The following LRP6 variants were observed in gnomAD, a reference collection of about 807,000 sequenced individuals.
LRP6 encodes low-density lipoprotein receptor-related protein 6.
Under a neutral mutation model 184.1 loss-of-function variants are expected in LRP6, and 43 were observed. The observed-to-expected ratio is 0.23, with a 90% CI of 0.18 to 0.30. The LOEUF (loss-of-function observed/expected upper bound fraction) is 0.30. LRP6 is among the 10% of genes least tolerant of loss of function. The pLI, the probability that LRP6 is intolerant of heterozygous loss-of-function variation, is 1.00. For missense variants in LRP6, 1,571 were observed against 2,005.3 expected, an observed-to-expected ratio of 0.78 and a Z score of 4.14; for synonymous variants, 719 against 684.9, an observed-to-expected ratio of 1.05 and a Z score of -0.78.
intron 12 of LRP6, chr12:12,155,802 A>G (rs1950143696): frequency 1.4e-6 from 1 of 714,136 alleles, no homozygotes. Context: ...AGACTTCTGG[A>G]CTGTTAAAAA....
At chr12:12,246,390 C>T (rs1256466499) in intron 1 of LRP6, among the ~76,000 whole-genome samples, 1 of 151,666 alleles carries the variant, frequency 6.6e-6, no homozygotes, top group Non-Finnish European at 1.5e-5. Flanking sequence ...CATCTAGAGG[C>T]TGGAATGCAG....
chr12:12,214,059 A>G (rs923000663), intron 2 of LRP6, among the ~76,000 whole-genome samples: 6 of 151,960 alleles, frequency 3.9e-5, no homozygotes, highest in Non-Finnish European at 5.9e-5. Flanking sequence ...GACTTTTACC[A>G]TTACCCACCC....
chr12:12,259,448 A>G (rs1565729633), intron 1 of LRP6, among the ~76,000 whole-genome samples: 1 of 152,148 alleles, frequency 6.6e-6, no homozygotes, highest in East Asian at 1.9e-4. Flanking sequence ...GCACTTATAC[A>G]AGGTCCTTCC....
At chr12:12,190,129 T>C (rs1004742058) in intron 3 of LRP6, among the ~76,000 whole-genome samples, 21 of 152,228 alleles carry the variant, frequency 1.4e-4, no homozygotes, top group Admixed American at 9.8e-4. Flanking sequence ...AACACTATCA[T>C]GCAAGGGTGA....
chr12:12,266,611 C>A (rs892121457), intron 1 of LRP6, 70 bp downstream of exon 1: 1 of 1,299,906 alleles, frequency 7.7e-7, no homozygotes, highest in Non-Finnish European at 1.1e-6. Flanking sequence ...CTCCCCTCCC[C>A]CTAGACACAT....
intron 16 of LRP6, among the ~76,000 whole-genome samples, chr12:12,135,673 T>C (rs1439613249): frequency 6.6e-6 from 1 of 151,670 alleles, no homozygotes; most frequent in Non-Finnish European, 1.5e-5. Context: ...TTTCCGTTTT[T>C]AGTAAAGATG....
chr12:12,253,752 TA>T (rs999074497), intron 1 of LRP6, among the ~76,000 whole-genome samples: 29 of 152,138 alleles, frequency 1.9e-4, no homozygotes, highest in African/African-American at 7.0e-4. Flanking sequence ...CCGTTTTAAG[TA>T]TTTTGTCATC....
intron 1 of LRP6, among the ~76,000 whole-genome samples, chr12:12,260,196 G>A (rs1225145900): frequency 1.4e-4 from 22 of 152,046 alleles, no homozygotes; most frequent in Admixed American, 1.4e-3. Flanking sequence ...GGCTAACATG[G>A]TGAAACCCCG....
intron 2 of LRP6, among the ~76,000 whole-genome samples, chr12:12,234,243 C>T (rs1864871963): frequency 1.3e-5 from 2 of 151,080 alleles, no homozygotes; most frequent in African/African-American, 4.9e-5. Flanking sequence ...GCCAAGATCG[C>T]ACCATTACAC....
Position 12,165,159 on chromosome 12 carries a change from C to T in LRP6, c.1682G>A (p.Arg561Gln), listed in dbSNP as rs1052950727. 4 of 1,614,006 alleles carry T rather than the reference C, an allele frequency of 2.5e-6. No homozygotes were observed. Among genetic ancestry groups the T allele is most frequent in the Non-Finnish European group, 2.5e-6 (3 of 1,179,970 alleles). The change falls in exon 8 of 23, where the codon CGA (arginine) becomes CAA (glutamine). Residue 561 changes from arginine (R) to glutamine (Q), a missense_variant. This residue lies in a region of LRP6 where 640 missense variants were observed against 851.9 expected (regional missense o/e 0.75). Transcript: ENST00000261349. ...QRRSIERVHK[R>Q]SAEREVIIDQ... ...TATGATCACTTCCCTCTCTGCACTTCGTTTATGAACTCTTTCAATGCTACG... is the reference window on the plus strand; with the variant it reads ...TATGATCACTTCCCTCTCTGCACTTTGTTTATGAACTCTTTCAATGCTACG...
chr12:12,155,440 A>C (rs1218047980), intron 12 of LRP6: 5 of 951,842 alleles, frequency 5.3e-6, no homozygotes, highest in Non-Finnish European at 8.5e-6. Flanking sequence ...ACCACTGCAA[A>C]ACTGGAAGGG....
intron 2 of LRP6, among the ~76,000 whole-genome samples, chr12:12,205,120 G>A (rs1056485202): frequency 4.0e-5 from 6 of 151,632 alleles, no homozygotes. Context: ...CTTCAGGTCA[G>A]GAGTTCAAGA....
At chr12:12,251,422 G>C (rs974141896) in intron 1 of LRP6, among the ~76,000 whole-genome samples, 1 of 151,986 alleles carries the variant, frequency 6.6e-6, no homozygotes, top group Non-Finnish European at 1.5e-5. Flanking sequence ...GGAGAGCAGT[G>C]GTGGGATCTC....
chr12:12,202,094 CTT>C (rs1863925960), intron 3 of LRP6, among the ~76,000 whole-genome samples: 1 of 152,186 alleles, frequency 6.6e-6, no homozygotes, highest in Middle Eastern at 3.2e-3. Context: ...TATAAAATGT[CTT>C]TAAAAATCTG....
intron 19 of LRP6, among the ~76,000 whole-genome samples, chr12:12,129,953 T>C (rs1949725267): frequency 6.6e-6 from 1 of 152,208 alleles, no homozygotes; most frequent in African/African-American, 2.4e-5. Context: ...GCCACCTGTG[T>C]AGATTTCTAT....
intron 7 of LRP6, 53 bp from the exon 8 acceptor site, chr12:12,165,348 G>A: frequency 7.6e-7 from 1 of 1,307,876 alleles, no homozygotes; most frequent in Non-Finnish European, 1.1e-6. Context: ...TTATTCTTCA[G>A]CTAAAAATAA....
At chr12:12,225,791 G>C (rs1864607000) in intron 2 of LRP6, among the ~76,000 whole-genome samples, 1 of 151,474 alleles carries the variant, frequency 6.6e-6, no homozygotes, top group South Asian at 2.1e-4. Context: ...AGAATCGCTT[G>C]AACCCGGGAG....
chr12:12,205,354 AAAG>A (rs1864030250), intron 2 of LRP6, among the ~76,000 whole-genome samples: 5 of 136,510 alleles, frequency 3.7e-5, no homozygotes, highest in African/African-American at 1.1e-4. Context: ...AAAAAAAAAA[AAAG>A]AGGTAATGAG....
intron 2 of LRP6, among the ~76,000 whole-genome samples, chr12:12,231,526 G>C (rs1864788554): frequency 6.6e-6 from 1 of 152,020 alleles, no homozygotes; most frequent in South Asian, 2.1e-4. Context: ...ACATAGTACA[G>C]AAACTCCCAA....
Sources: allele counts gnomAD v4.1 joint callset (sites outside exome capture counted in the v4.1 genomes callset), GRCh38; gene constraint gnomAD v4.1.1; regional missense constraint gnomAD v4.1.1; transcripts MANE v1.5; gene names NCBI Gene and HGNC (gene_info 2026-07-23, HGNC 2026-07-21).